The following LRRC4C variants were observed in gnomAD, a reference collection of about 807,000 sequenced individuals.
The protein encoded by LRRC4C is leucine-rich repeat-containing protein 4C.
Under a neutral mutation model 33.6 loss-of-function variants are expected in LRRC4C, and 5 were observed. That is an observed-to-expected ratio of 0.15 (90% CI 0.08 to 0.31). The LOEUF is 0.31. Among genes scored for constraint, LRRC4C ranks in the 10% least tolerant of loss-of-function variants. LRRC4C has a pLI of 1.00. For missense variants in LRRC4C, 560 were observed against 796.7 expected (o/e 0.70, Z 3.58); for synonymous variants, 329 against 302.0 (o/e 1.09, Z -0.93).
chr11:40,597,254 C>A (rs1217536580), intron 3 of LRRC4C, among the ~76,000 whole-genome samples: 2 of 151,986 alleles, frequency 1.3e-5, no homozygotes, highest in East Asian at 3.9e-4. Flanking sequence ...ATTATATGCA[C>A]CATATTAGTC....
chr11:40,722,409 T>C (rs926429264), intron 2 of LRRC4C, among the ~76,000 whole-genome samples: 1 of 152,086 alleles, frequency 6.6e-6, no homozygotes, highest in Non-Finnish European at 1.5e-5. Context: ...CAGCCTGAAT[T>C]ACACCAACAA....
intron 3 of LRRC4C, among the ~76,000 whole-genome samples, chr11:40,462,637 T>C (rs1023105632): frequency 6.6e-5 from 10 of 152,048 alleles, no homozygotes; most frequent in Admixed American, 1.3e-4. Context: ...AATAAATATA[T>C]ATTATTCATT....
At chr11:41,096,853 C>T (rs1222236264) in intron 1 of LRRC4C, among the ~76,000 whole-genome samples, 8 of 152,180 alleles carry the variant, frequency 5.3e-5, no homozygotes, top group Admixed American at 4.6e-4. Context: ...ATTTTATCTA[C>T]AGGACTGTTG....
At chr11:40,330,709 C>T (rs987513787) in intron 3 of LRRC4C, among the ~76,000 whole-genome samples, 3 of 152,066 alleles carry the variant, frequency 2.0e-5, no homozygotes, top group African/African-American at 4.8e-5. Flanking sequence ...AGAACTTACT[C>T]ACTATCATGA....
intron 5 of LRRC4C, among the ~76,000 whole-genome samples, chr11:40,233,946 CT>C (rs1865378175): frequency 6.6e-6 from 1 of 152,148 alleles, no homozygotes; most frequent in African/African-American, 2.4e-5. Flanking sequence ...CACATTTATA[CT>C]CTTATTTAAG....
Position 40,114,533 on chromosome 11 carries a change from A to G in LRRC4C, c.1760T>C (p.Met587Thr). Residue 587 changes from methionine (M) to threonine (T), a missense_variant, in exon 7 of 7, where the codon ATG becomes ACG. Met to Thr is a moderately conservative substitution (Grantham distance 81). This residue lies in a region of LRRC4C where 103 missense variants were observed against 132.1 expected (regional missense o/e 0.78). Transcript: ENST00000528697. ...GDTPMESHLP[M>T]PAIEHEHLNH... ...TAGGTGCTCATGCTCGATAGCAGGC[A>G]TGGGCAGGTGGCTTTCCATGGGTGT... 6.2e-7 allele frequency: 1 copy of G among 1,614,178 alleles called. No individual in the cohort carries two copies. The highest frequency in any genetic ancestry group is 8.5e-7 in the Non-Finnish European group (1 of 1,180,028).
chr11:41,093,529 T>G (rs1270675165), intron 1 of LRRC4C, among the ~76,000 whole-genome samples: 1 of 152,154 alleles, frequency 6.6e-6, no homozygotes, highest in Non-Finnish European at 1.5e-5. Context: ...ATGTATACTA[T>G]TTGCTCTTTA....
At chr11:40,702,592 C>A (rs1565651854) in intron 2 of LRRC4C, among the ~76,000 whole-genome samples, 2 of 152,088 alleles carry the variant, frequency 1.3e-5, no homozygotes, top group Non-Finnish European at 2.9e-5. Flanking sequence ...AAGATGGCGT[C>A]CATGTTTCCC....
At chr11:41,307,644 C>T (rs762499809) in intron 1 of LRRC4C, among the ~76,000 whole-genome samples, 2 of 152,124 alleles carry the variant, frequency 1.3e-5, no homozygotes, top group Non-Finnish European at 2.9e-5. Flanking sequence ...TACCAAGTGA[C>T]TTTGTGCATG....
At chr11:40,269,366 A>G (rs934371950) in intron 4 of LRRC4C, among the ~76,000 whole-genome samples, 8 of 152,190 alleles carry the variant, frequency 5.3e-5, no homozygotes, top group Non-Finnish European at 7.3e-5. Context: ...TAATTTAATG[A>G]TATCAGAATG....
chr11:41,261,246 CA>C (rs1948973725), intron 1 of LRRC4C, among the ~76,000 whole-genome samples: 3 of 152,098 alleles, frequency 2.0e-5, no homozygotes. Context: ...ACCTTTGAAG[CA>C]GAGAGTAAGC....
intron 3 of LRRC4C, among the ~76,000 whole-genome samples, chr11:40,407,263 T>C (rs970594495): frequency 4.6e-5 from 7 of 152,102 alleles, no homozygotes; most frequent in African/African-American, 1.7e-4. Context: ...GCAAAGAGTC[T>C]ACTGGAAATA....
At chr11:40,494,791 T>C (rs1229112854) in intron 3 of LRRC4C, among the ~76,000 whole-genome samples, 1 of 152,244 alleles carries the variant, frequency 6.6e-6, no homozygotes, top group African/African-American at 2.4e-5. Context: ...ACAGCTTTTT[T>C]ACTTGGATAC....
At chr11:41,340,947 T>G (rs1221759511) in intron 1 of LRRC4C, among the ~76,000 whole-genome samples, 1 of 152,200 alleles carries the variant, frequency 6.6e-6, no homozygotes, top group East Asian at 1.9e-4. Flanking sequence ...CTAGTAACTT[T>G]GAGGCTGTGA....
At chr11:40,959,153 A>G (rs1698145788) in intron 1 of LRRC4C, among the ~76,000 whole-genome samples, 1 of 151,670 alleles carries the variant, frequency 6.6e-6, no homozygotes, top group Non-Finnish European at 1.5e-5. Context: ...GCCTCTCGAG[A>G]TGACTCTAAT....
At chr11:40,944,196 T>C (rs1424008529) in intron 1 of LRRC4C, among the ~76,000 whole-genome samples, 1 of 152,154 alleles carries the variant, frequency 6.6e-6, no homozygotes, top group African/African-American at 2.4e-5. Flanking sequence ...AATGAAGAGT[T>C]TAAGATTTCA....
chr11:41,108,705 G>A (rs1031554195), intron 1 of LRRC4C, among the ~76,000 whole-genome samples: 6 of 151,956 alleles, frequency 3.9e-5, no homozygotes, highest in South Asian at 4.2e-4. Flanking sequence ...TTAAATTATC[G>A]ACCCTTGACA....
At chr11:41,247,063 G>T (rs1174244641) in intron 1 of LRRC4C, among the ~76,000 whole-genome samples, 2 of 152,226 alleles carry the variant, frequency 1.3e-5, no homozygotes, top group African/African-American at 2.4e-5. Context: ...CAGCTGAAGT[G>T]CAGGGCACAG....
rs112766270 is a variant in LRRC4C, at chr11:40,325,632, GA to G, written c.-269-5912del. The stretch of plus-strand genomic sequence containing the variant: ...AACAGAGCAAGGCCCTGTATCAAAA[GA>G]AAAAAAAAAAAGAAACCATATTTGC... On this transcript the variant is annotated intron_variant, in intron 3 of 6. Coordinates refer to ENST00000528697, the MANE Select transcript of LRRC4C (RefSeq NM_001258419.2). Among the ~76,000 whole-genome samples the G allele has an allele frequency of 3.5e-3, 427 of 120,544 alleles. 3 individuals are homozygous for G. The highest frequency in any genetic ancestry group is 0.018 in the South Asian group (69 of 3,830). The allele number at this position is 120,544 out of a possible 152,430, so 79.1% of individuals were successfully genotyped here. A position where few individuals can be genotyped will look rare whatever the true frequency, so the allele number is the denominator to read the frequency against.
Sources: allele counts gnomAD v4.1 joint callset (sites outside exome capture counted in the v4.1 genomes callset), GRCh38; gene constraint gnomAD v4.1.1; regional missense constraint gnomAD v4.1.1; transcripts MANE v1.5; gene names NCBI Gene and HGNC (gene_info 2026-07-23, HGNC 2026-07-21).